TYW1B: variants seen among roughly 807,000 people sequenced by gnomAD.
The protein encoded by TYW1B is tRNA-yW synthesizing protein 1 homolog B.
TYW1B carries 73 observed loss-of-function variants against 86.9 expected under a neutral mutation model. The observed-to-expected ratio is 0.84, with a 90% CI of 0.70 to 1.02. TYW1B has a LOEUF of 1.02. Among genes scored for constraint, TYW1B ranks in the 50% least tolerant of loss-of-function variants. The pLI is 0.00. For missense variants in TYW1B, 637 were observed against 827.4 expected (o/e 0.77, Z 2.82); for synonymous variants, 248 against 292.8 (o/e 0.85, Z 1.56).
chr7:72,726,695 TG>T (rs1385210213), intron 9 of TYW1B, among the ~76,000 whole-genome samples: 1 of 152,160 alleles, frequency 6.6e-6, no homozygotes, highest in Non-Finnish European at 1.5e-5. Context: ...AAATTACTAC[TG>T]ATCTTGAACC....
At chr7:72,675,651 A>C (rs1813720013) in intron 11 of TYW1B, among the ~76,000 whole-genome samples, 1 of 151,536 alleles carries the variant, frequency 6.6e-6, no homozygotes, top group Admixed American at 6.6e-5. Flanking sequence ...TGGTATGTGG[A>C]TCTACGCTTC....
intron 13 of TYW1B, among the ~76,000 whole-genome samples, chr7:72,606,346 G>T (rs1241762935): frequency 3.9e-5 from 6 of 152,112 alleles, no homozygotes. Context: ...ACACTGAGTG[G>T]GGAACCTAGA....
chr7:72,722,344 G>A (rs1259942478), intron 9 of TYW1B, among the ~76,000 whole-genome samples: 3 of 152,292 alleles, frequency 2.0e-5, no homozygotes, highest in African/African-American at 2.4e-5. Context: ...TACTGAGGAC[G>A]TTCCTGACAA....
Position 72,616,733 on chromosome 7 carries a change from G to A in TYW1B, c.1724C>T (p.Pro575Leu), listed in dbSNP as rs782093082. 1 of 1,614,182 alleles carries A rather than the reference G, an allele frequency of 6.2e-7. No individual in the cohort carries two copies. Among genetic ancestry groups the A allele is most frequent in the Admixed American group, 1.7e-5 (1 of 60,010 alleles). ...QFVRELVDLI[P>L]EYEIACEHEH... ...GTGTTCACATGCAATTTCATATTCGGGGATCAGATCCACCAGCTCGCGGAC... is the reference window on the plus strand; with the variant it reads ...GTGTTCACATGCAATTTCATATTCGAGGATCAGATCCACCAGCTCGCGGAC... The change falls in exon 13 of 14, where the codon CCC becomes CTC. Residue 575 changes from proline to leucine, a missense_variant. Pro to Leu is a moderately conservative substitution (Grantham distance 98, BLOSUM62 -3). Coordinates refer to ENST00000620995, the MANE Select transcript of TYW1B (RefSeq NM_001145440.3).
intron 7 of TYW1B, among the ~76,000 whole-genome samples, chr7:72,772,287 G>C (rs1486125945): frequency 1.3e-5 from 2 of 152,098 alleles, no homozygotes; most frequent in Non-Finnish European, 2.9e-5. Flanking sequence ...AAAACACACA[G>C]AGCCCTGCAC....
intron 10 of TYW1B, among the ~76,000 whole-genome samples, chr7:72,707,597 G>A (rs1480142352): frequency 6.6e-6 from 1 of 152,022 alleles, no homozygotes; most frequent in African/African-American, 2.4e-5. Flanking sequence ...CCTCTGTTTT[G>A]ACAAACAAAA....
intron 7 of TYW1B, among the ~76,000 whole-genome samples, chr7:72,750,731 C>A (rs1328887210): frequency 2.0e-5 from 3 of 152,134 alleles, no homozygotes; most frequent in Non-Finnish European, 4.4e-5. Flanking sequence ...ACAAATTAAG[C>A]ATCCCTTATC....
At chr7:72,613,618 G>A (rs1242087249) in intron 13 of TYW1B, among the ~76,000 whole-genome samples, 8 of 151,800 alleles carry the variant, frequency 5.3e-5, no homozygotes, top group Non-Finnish European at 1.0e-4. Context: ...ATGTTGGCCA[G>A]GTTGGTCTCG....
chr7:72,655,179 G>C (rs1183281982), intron 11 of TYW1B, among the ~76,000 whole-genome samples: 1 of 152,088 alleles, frequency 6.6e-6, no homozygotes, highest in African/African-American at 2.4e-5. Context: ...GCAGGGAAGT[G>C]ATTGGGAATG....
intron 8 of TYW1B, among the ~76,000 whole-genome samples, chr7:72,733,666 A>C (rs1382639072): frequency 3.9e-5 from 6 of 152,218 alleles, no homozygotes; most frequent in Non-Finnish European, 7.3e-5. Flanking sequence ...GTCTCAAAGA[A>C]ATAAGAAAGA....
chr7:72,594,006 G>C (rs1811468015), intron 13 of TYW1B, among the ~76,000 whole-genome samples: 1 of 151,750 alleles, frequency 6.6e-6, no homozygotes, highest in Non-Finnish European at 1.5e-5. Flanking sequence ...AAACGTATGG[G>C]ACACAGTGAA....
intron 10 of TYW1B, among the ~76,000 whole-genome samples, chr7:72,709,865 A>G (rs1394288125): frequency 6.6e-6 from 1 of 152,096 alleles, no homozygotes; most frequent in Non-Finnish European, 1.5e-5. Flanking sequence ...TTTCCCAGTC[A>G]GGTTTAGTAA....
chr7:72,805,476 G>A (rs1409487409), intron 5 of TYW1B, among the ~76,000 whole-genome samples: 3 of 151,692 alleles, frequency 2.0e-5, no homozygotes, highest in East Asian at 2.0e-4. Context: ...GCTAGGCATG[G>A]TGGCACATGC....
chr7:72,822,011 C>T (rs1191891223), intron 2 of TYW1B, among the ~76,000 whole-genome samples: 2 of 151,292 alleles, frequency 1.3e-5, no homozygotes, highest in South Asian at 2.1e-4. Flanking sequence ...TTTCAGTAGC[C>T]GAGGCGGGTG....
chr7:72,653,485 T>C (rs1554443134), intron 11 of TYW1B, among the ~76,000 whole-genome samples: 1 of 152,008 alleles, frequency 6.6e-6, no homozygotes, highest in African/African-American at 2.4e-5. Context: ...CGAGCACCTG[T>C]AGTCCCAGCT....
chr7:72,629,950 C>T (rs1231535684), intron 11 of TYW1B, among the ~76,000 whole-genome samples: 1 of 152,100 alleles, frequency 6.6e-6, no homozygotes, highest in Non-Finnish European at 1.5e-5. Flanking sequence ...ATTAAACATT[C>T]AAAAACACTA....
chr7:72,779,712 C>CAAAA (rs58301724), intron 6 of TYW1B, among the ~76,000 whole-genome samples: 27 of 64,252 alleles, frequency 4.2e-4, no homozygotes, highest in South Asian at 6.5e-4. Context: ...GACTCTGCCT[C>CAAAA]AAAAAAAAAA....
intron 6 of TYW1B, among the ~76,000 whole-genome samples, chr7:72,782,105 G>A (rs1209415311): frequency 1.3e-5 from 2 of 151,950 alleles, no homozygotes; most frequent in South Asian, 2.1e-4. Context: ...GCAACATAGT[G>A]AGATCCCAGC....
chr7:72,721,608 A>T (rs1307658978), intron 9 of TYW1B, among the ~76,000 whole-genome samples: 2 of 149,280 alleles, frequency 1.3e-5, no homozygotes, highest in African/African-American at 5.1e-5. Context: ...TCTCACACTC[A>T]CACACACACA....
Sources: gnomAD v4.1 joint callset for allele counts (sites outside exome capture counted in the v4.1 genomes callset) on GRCh38, gnomAD v4.1.1 for gene constraint, MANE v1.5 for transcripts, NCBI Gene and HGNC (gene_info 2026-07-23, HGNC 2026-07-21) for gene names.